The following SLC38A4 variants were observed in gnomAD, a reference collection of about 807,000 sequenced individuals.
SLC38A4 encodes solute carrier family 38 member 4.
In SLC38A4, 20 loss-of-function variants were observed where a neutral mutation model predicts 63.1. The observed-to-expected ratio is 0.32, with a 90% CI of 0.22 to 0.46. SLC38A4 has a LOEUF of 0.46. Among genes scored for constraint, SLC38A4 ranks in the 20% least tolerant of loss-of-function variants. SLC38A4 has a pLI of 1.00. For missense variants in SLC38A4, 526 were observed against 663.6 expected (o/e 0.79, Z 2.28); for synonymous variants, 230 against 225.5 (o/e 1.02, Z -0.18).
chr12:46,822,394 A>G (rs1939567761), intron 1 of SLC38A4, among the ~76,000 whole-genome samples: 1 of 152,114 alleles, frequency 6.6e-6, no homozygotes, highest in Non-Finnish European at 1.5e-5. Flanking sequence ...CTGTCTTCCT[A>G]GTTGATAGGC....
intron 14 of SLC38A4, among the ~76,000 whole-genome samples, chr12:46,769,984 C>T (rs1237485780): frequency 2.0e-5 from 3 of 152,066 alleles, no homozygotes; most frequent in Middle Eastern, 3.2e-3. Flanking sequence ...CTTGTGCAGT[C>T]TTGATGCTAA....
upstream of SLC38A4, among the ~76,000 whole-genome samples, chr12:46,828,357 C>T (rs1446934420): frequency 1.3e-5 from 2 of 151,852 alleles, no homozygotes; most frequent in Non-Finnish European, 2.9e-5. Context: ...AGTCTCGCTC[C>T]GTCGCCCAGG....
At chr12:46,831,582 A>G (rs1407886571) in intron 1 of SLC38A4, among the ~76,000 whole-genome samples, 1 of 152,224 alleles carries the variant, frequency 6.6e-6, no homozygotes, top group Admixed American at 6.5e-5. Flanking sequence ...CCCACCGCCC[A>G]GAGACCAGGG....
chr12:46,828,442 C>T (rs1592201729), upstream of SLC38A4, among the ~76,000 whole-genome samples: 1 of 152,274 alleles, frequency 6.6e-6, no homozygotes, highest in South Asian at 2.1e-4. Flanking sequence ...CTGCCTTAGC[C>T]TCTCGAGTAT....
intron 1 of SLC38A4, among the ~76,000 whole-genome samples, chr12:46,807,149 G>A (rs1055924443): frequency 6.6e-6 from 1 of 152,020 alleles, no homozygotes; most frequent in Non-Finnish European, 1.5e-5. Flanking sequence ...CAAATTGGAA[G>A]AAGACATTTA....
rs775386704 is a variant in SLC38A4, at chr12:46,778,615, A to G, written c.879T>C (p.Asn293=). 61 of 1,612,960 alleles carry G rather than the reference A, an allele frequency of 3.8e-5. No individual in the cohort carries two copies. The highest frequency in any genetic ancestry group is 8.0e-5 in the African/African-American group (6 of 74,820). ...VNFMMDYTHR[N]PAGLDENQAK... is the part of the protein sequence containing the mutation. The stretch of plus-strand genomic sequence containing the variant: ...CCTGGTTCTCATCCAGCCCTGCAGG[A>G]TTGCGGTGGGTGTAATCCATCATGA... Residue 293 remains asparagine (N), a synonymous_variant, in exon 11 of 17, where the codon AAT becomes AAC. Transcript: ENST00000266579.
chr12:46,779,924 G>C (rs752963220), intron 8 of SLC38A4, 25 bp downstream of exon 8: 1 of 1,609,128 alleles, frequency 6.2e-7, no homozygotes, highest in Non-Finnish European at 8.5e-7. Flanking sequence ...GTCACTTGAT[G>C]TCACAGAGGG....
At chr12:46,788,833 A>G (rs1280901524) in intron 3 of SLC38A4, among the ~76,000 whole-genome samples, 1 of 152,146 alleles carries the variant, frequency 6.6e-6, no homozygotes, top group Non-Finnish European at 1.5e-5. Flanking sequence ...GATGTTATAA[A>G]GGAAGGAAAT....
intron 12 of SLC38A4, 52 bp from the exon 13 acceptor site, chr12:46,777,056 T>A: frequency 1.4e-6 from 2 of 1,414,344 alleles, no homozygotes; most frequent in Non-Finnish European, 2.0e-6. Flanking sequence ...CAAAAAAAAA[T>A]CACTTTTCAA....
At chr12:46,823,916 AT>A (rs1358875067) in intron 1 of SLC38A4, among the ~76,000 whole-genome samples, 2 of 152,216 alleles carry the variant, frequency 1.3e-5, no homozygotes, top group Non-Finnish European at 2.9e-5. Flanking sequence ...ATAACATTTC[AT>A]TTTAAAACCT....
At chr12:46,815,392 G>A (rs1272316057) in intron 1 of SLC38A4, among the ~76,000 whole-genome samples, 1 of 149,804 alleles carries the variant, frequency 6.7e-6, no homozygotes, top group Non-Finnish European at 1.5e-5. Context: ...CTTTTTGCTC[G>A]TTATTCAACT....
rs78360826 is a variant in SLC38A4, at chr12:46,771,818, G to T, written c.1300-2390C>A. Among the ~76,000 whole-genome samples, 767 of 152,144 alleles carry T rather than the reference G, an allele frequency of 5.0e-3. 9 individuals carry two copies. Among genetic ancestry groups the T allele is most frequent in the African/African-American group, 0.016 (681 of 41,548 alleles). ...TTACCTTTGCTAGGGCAGACCACTG[G>T]CTGATTCCCACCAAGCCTCATCTGC... On this transcript the variant is annotated intron_variant, in intron 14 of 16. Transcript: ENST00000266579.
At chr12:46,818,882 A>AAGGAC (rs915054116) in intron 1 of SLC38A4, among the ~76,000 whole-genome samples, 3 of 151,936 alleles carry the variant, frequency 2.0e-5, no homozygotes, top group Non-Finnish European at 2.9e-5. Flanking sequence ...ACCTGATTGA[A>AAGGAC]AGGACACTTC....
chr12:46,806,997 T>TA (rs967624665), intron 1 of SLC38A4, among the ~76,000 whole-genome samples: 322 of 147,334 alleles, frequency 2.2e-3, no homozygotes, highest in Middle Eastern at 7.0e-3. Context: ...AGTCAACAAT[T>TA]AAAAAAAAAA....
chr12:46,783,196 G>C (rs1938682102), intron 7 of SLC38A4, among the ~76,000 whole-genome samples: 1 of 151,150 alleles, frequency 6.6e-6, no homozygotes, highest in African/African-American at 2.4e-5. Context: ...CACAGGACAT[G>C]TAGGGTATAG....
At chr12:46,820,217 C>G (rs1290679801) in intron 1 of SLC38A4, among the ~76,000 whole-genome samples, 1 of 151,892 alleles carries the variant, frequency 6.6e-6, no homozygotes, top group African/African-American at 2.4e-5. Context: ...ATGAAATCTA[C>G]CCTATTAACA....
chr12:46,790,960 G>A (rs1216788963), intron 3 of SLC38A4, among the ~76,000 whole-genome samples: 4 of 152,106 alleles, frequency 2.6e-5, no homozygotes, highest in East Asian at 3.9e-4. Context: ...GTTTAAGCCA[G>A]GAGATAAAAG....
At chr12:46,771,760 G>C (rs1048722791) in intron 14 of SLC38A4, among the ~76,000 whole-genome samples, 2 of 152,030 alleles carry the variant, frequency 1.3e-5, no homozygotes, top group African/African-American at 4.8e-5. Flanking sequence ...CCTGAGTAGT[G>C]AGCCTAGGAC....
Position 46,788,632 on chromosome 12 carries a change from C to CA in SLC38A4, c.120-15dup. ...TTAGCAAATTGACTGAACACACACA[C>CA]ACACAAATAAGAAAGTGAAAACATC... On this transcript the variant is annotated splice_polypyrimidine_tract_variant and intron_variant, in intron 3 of 16. Transcript: ENST00000266579. 6.3e-7 allele frequency: 1 copy of CA among 1,599,832 alleles called. No homozygotes were observed. The highest frequency in any genetic ancestry group is 8.6e-7 in the Non-Finnish European group (1 of 1,167,892).
Sources: allele counts gnomAD v4.1 joint callset (sites outside exome capture counted in the v4.1 genomes callset), GRCh38; gene constraint gnomAD v4.1.1; transcripts MANE v1.5; gene names NCBI Gene and HGNC (gene_info 2026-07-23, HGNC 2026-07-21).